ATRNL1: variants seen among roughly 807,000 people sequenced by gnomAD.
ATRNL1 encodes attractin-like protein 1.
In ATRNL1, 95 loss-of-function variants were observed where a neutral mutation model predicts 182.7. The ratio of observed to expected loss-of-function variants is 0.52; its 90% CI spans 0.44 to 0.62. The LOEUF (loss-of-function observed/expected upper bound fraction) is 0.62, where lower values mean the gene tolerates loss of function less well. Ranked by LOEUF, ATRNL1 falls within the 20% of genes least tolerant of loss-of-function variation. The pLI is 0.00. For missense variants in ATRNL1, 1,471 were observed against 1,679.5 expected (o/e 0.88, Z 2.17); for synonymous variants, 576 against 568.3 (o/e 1.01, Z -0.19).
chr10:115,382,136 T>C (rs893279112), intron 19 of ATRNL1, among the ~76,000 whole-genome samples: 13 of 152,198 alleles, frequency 8.5e-5, no homozygotes, highest in Admixed American at 5.2e-4. Flanking sequence ...TGGCTGAGTC[T>C]CCAACTTTAT....
At chr10:115,650,552 C>T (rs1859919971) in intron 26 of ATRNL1, among the ~76,000 whole-genome samples, 1 of 151,932 alleles carries the variant, frequency 6.6e-6, no homozygotes, top group Non-Finnish European at 1.5e-5. Flanking sequence ...CAGTGGAACG[C>T]ACACACACAT....
intron 8 of ATRNL1, among the ~76,000 whole-genome samples, chr10:115,184,261 A>T (rs1847854676): frequency 6.6e-6 from 1 of 151,472 alleles, no homozygotes; most frequent in Non-Finnish European, 1.5e-5. Context: ...TTCAATCCCA[A>T]AGCCAGCATC....
intron 15 of ATRNL1, among the ~76,000 whole-genome samples, chr10:115,287,858 C>G (rs543022849): frequency 6.6e-6 from 1 of 151,792 alleles, no homozygotes; most frequent in African/African-American, 2.4e-5. Flanking sequence ...CTTATCCCTC[C>G]CTTTCGCCTT....
rs576002200 is a variant in ATRNL1 at position 115,614,198 on chromosome 10, A to G, written c.3795+64662A>G. 7.9e-4 allele frequency among the ~76,000 whole-genome samples: 120 copies of G among 152,132 alleles called. 1 individual carries two copies. The South Asian group carries it at 0.024, about 30-fold the overall frequency. On this transcript the variant is annotated intron_variant, in intron 26 of 28. Coordinates refer to ENST00000355044, the MANE Select transcript of ATRNL1 (RefSeq NM_207303.4). The stretch of plus-strand genomic sequence containing the variant: ...TCCGTCATAGTACTGCTTTTGCTGT[A>G]TCCTGTAGGTTTTGGGGCGTTGTTT...
At chr10:115,143,193 A>G (rs1277832804) in intron 5 of ATRNL1, among the ~76,000 whole-genome samples, 2 of 152,192 alleles carry the variant, frequency 1.3e-5, no homozygotes, top group African/African-American at 4.8e-5. Context: ...CAAAATTCAG[A>G]GTATCCTGTG....
intron 19 of ATRNL1, among the ~76,000 whole-genome samples, chr10:115,337,477 CT>C (rs1179557110): frequency 6.6e-6 from 1 of 152,088 alleles, no homozygotes; most frequent in Non-Finnish European, 1.5e-5. Flanking sequence ...ACTATACCCC[CT>C]GCCCTCCAGC....
rs571750710 is a variant in ATRNL1, at chr10:115,877,467, A to G, written c.4018+29476A>G. 1.6e-3 allele frequency among the ~76,000 whole-genome samples: 249 copies of G among 152,308 alleles called. 10 individuals carry two copies. In the South Asian group the frequency reaches 0.05, roughly 30 times the overall value. On this transcript the variant is annotated intron_variant, in intron 28 of 28. Coordinates refer to ENST00000355044, the MANE Select transcript of ATRNL1 (RefSeq NM_207303.4). ...CCTCTCCTTAGCACTTCTCCAGAAT[A>G]TGGAAGTTTGGGAAAGCCCACTCCA... is the stretch of plus-strand genomic sequence containing the variant.
intron 20 of ATRNL1, among the ~76,000 whole-genome samples, chr10:115,415,621 ATTAAC>A (rs1845352366): frequency 6.6e-6 from 1 of 151,836 alleles, no homozygotes; most frequent in Non-Finnish European, 1.5e-5. Context: ...TAATTATGTA[ATTAAC>A]TTGTCCTTTA....
chr10:115,229,503 A>C (rs1246230811), intron 9 of ATRNL1, among the ~76,000 whole-genome samples: 1 of 152,074 alleles, frequency 6.6e-6, no homozygotes, highest in Non-Finnish European at 1.5e-5. Flanking sequence ...TTTTGGAAAT[A>C]ATCCTAAGTA....
At chr10:115,381,226 C>G (rs1053457077) in intron 19 of ATRNL1, among the ~76,000 whole-genome samples, 10 of 151,734 alleles carry the variant, frequency 6.6e-5, no homozygotes, top group Non-Finnish European at 2.9e-5. Context: ...TTTTTCTGGA[C>G]TTTTTTTAGT....
intron 1 of ATRNL1, among the ~76,000 whole-genome samples, chr10:115,107,194 T>A (rs1294492813): frequency 6.6e-6 from 1 of 152,070 alleles, no homozygotes; most frequent in Non-Finnish European, 1.5e-5. Flanking sequence ...CTAAATCAGA[T>A]GTAGGTGAGA....
At position 115,519,263 on chromosome 10, in the gene ATRNL1, A is replaced by T. The variant is rs1554984607; in HGVS notation, c.3655A>T (p.Ile1219Phe). 6.2e-7 allele frequency: 1 copy of T among 1,610,076 alleles called. No individual in the cohort carries two copies. ...SNFSWPIKIQIAFSQHNTIMD... is the reference protein window; with the variant it reads ...SNFSWPIKIQFAFSQHNTIMD... The stretch of plus-strand genomic sequence containing the variant: ...AATTTTTTTTATTTTGATTTTTCAG[A>T]TTGCATTCTCACAACACAATACAAT... Residue 1219 changes from isoleucine to phenylalanine, a missense_variant and splice_region_variant, in exon 25 of 29, where the codon ATT becomes TTT. By Grantham distance (21) the Ile-to-Phe change is conservative. Transcript: ENST00000355044.
At chr10:115,526,074 T>C (rs1022001614) in intron 25 of ATRNL1, among the ~76,000 whole-genome samples, 4 of 152,180 alleles carry the variant, frequency 2.6e-5, no homozygotes, top group Middle Eastern at 3.2e-3. Context: ...AGCTCTTTAG[T>C]GTCTTCCAGC....
chr10:115,371,613 C>T (rs1349599019), intron 19 of ATRNL1, among the ~76,000 whole-genome samples: 3 of 152,150 alleles, frequency 2.0e-5, no homozygotes, highest in Non-Finnish European at 2.9e-5. Context: ...CTATATTTAC[C>T]GAATGCCTGT....
chr10:115,129,548 G>A lies in ATRNL1; in HGVS notation c.829+13G>A. On this transcript the variant is annotated intron_variant, in intron 5 of 28. Coordinates refer to ENST00000355044, the MANE Select transcript of ATRNL1 (RefSeq NM_207303.4). ...GATAGTTGGCAAGGTAAGCATGTGT[G>A]GTGTGATGGCTTTTGAAACATTGAT... 6.2e-7 allele frequency: 1 copy of A among 1,606,300 alleles called. No homozygotes were observed. Among genetic ancestry groups the A allele is most frequent in the Non-Finnish European group, 8.5e-7 (1 of 1,173,224 alleles).
intron 17 of ATRNL1, among the ~76,000 whole-genome samples, chr10:115,314,008 G>C (rs541695052): frequency 6.6e-6 from 1 of 152,222 alleles, no homozygotes; most frequent in Non-Finnish European, 1.5e-5. Context: ...CAAAACTAAG[G>C]AGGGACATGG....
intron 9 of ATRNL1, among the ~76,000 whole-genome samples, chr10:115,222,025 T>C (rs943024288): frequency 1.3e-5 from 2 of 152,148 alleles, no homozygotes; most frequent in East Asian, 3.9e-4. Context: ...TATAGGATAA[T>C]GGAGTGTTTT....
intron 19 of ATRNL1, among the ~76,000 whole-genome samples, chr10:115,346,935 C>A (rs1437251823): frequency 2.0e-5 from 3 of 151,994 alleles, no homozygotes; most frequent in African/African-American, 7.2e-5. Flanking sequence ...ATCTACAAAT[C>A]CATTGCCATA....
At chr10:115,528,037 T>TCTTC (rs782541010) in intron 25 of ATRNL1, among the ~76,000 whole-genome samples, 2,539 of 53,436 alleles carry the variant, frequency 0.048, 99 homozygotes, top group Admixed American at 0.15. Context: ...CTCCTTCCTT[T>TCTTC]CTTCCTTCCT....
Sources: allele counts gnomAD v4.1 joint callset (sites outside exome capture counted in the v4.1 genomes callset), GRCh38; gene constraint gnomAD v4.1.1; transcripts MANE v1.5; gene names NCBI Gene and HGNC (gene_info 2026-07-23, HGNC 2026-07-21).